TBC1D32: variants seen among roughly 807,000 people sequenced by gnomAD.
The protein encoded by TBC1D32 is TBC1 domain family member 32.
A neutral mutation model predicts 170.3 loss-of-function variants in TBC1D32; 151 were observed. The ratio of observed to expected loss-of-function variants is 0.89; its 90% confidence interval spans 0.78 to 1.01. The LOEUF (loss-of-function observed/expected upper bound fraction) is 1.01. Ranked by LOEUF, TBC1D32 falls within the 50% of genes least tolerant of loss-of-function variation. The pLI is 0.00. For missense variants in TBC1D32, 1,464 were observed against 1,457.1 expected, an observed-to-expected ratio of 1.00 and a Z score of -0.08; for synonymous variants, 498 against 488.0, an observed-to-expected ratio of 1.02 and a Z score of -0.27.
At chr6:121,160,248 G>C in intron 23 of TBC1D32, 145 bp from the exon 24 acceptor site, 1 of 550,768 alleles carries the variant, frequency 1.8e-6, no homozygotes, top group Non-Finnish European at 3.3e-6. Flanking sequence ...AAAGCTATTT[G>C]ATACTATACT....
rs781597708 is a variant in TBC1D32 at position 121,304,785 on chromosome 6, G to GT, written c.738dup (p.His247ThrfsTer12). On this transcript the variant is annotated frameshift_variant, in exon 6 of 32. Transcript: ENST00000398212. LOFTEE classifies it high-confidence loss of function. ...CTTGTATAAATTTCCTTGGTCATAT[G>GT]TAATGGAGAAAGCAAAAATGTCTGT... is the stretch of plus-strand genomic sequence containing the variant. The GT allele has an allele frequency of 5.6e-6, 9 of 1,609,378 alleles. No individual in the cohort carries two copies. The highest frequency in any genetic ancestry group is 7.6e-6 in the Non-Finnish European group (9 of 1,178,352).
intron 30 of TBC1D32, among the ~76,000 whole-genome samples, chr6:121,099,244 G>C (rs531243466): frequency 2.0e-5 from 3 of 151,904 alleles, no homozygotes; most frequent in Admixed American, 2.0e-4. Flanking sequence ...AAGATACATG[G>C]TACTTCTTAA....
intron 20 of TBC1D32, among the ~76,000 whole-genome samples, chr6:121,227,439 A>G (rs1477473273): frequency 2.6e-5 from 4 of 152,178 alleles, no homozygotes; most frequent in East Asian, 3.9e-4. Flanking sequence ...TCAATATTTT[A>G]CCATTAAATA....
chr6:121,112,551 C>G lies in TBC1D32; in HGVS notation c.3278G>C (p.Arg1093Thr), dbSNP rs1344867814. The G allele has an allele frequency of 1.2e-6, 2 of 1,610,934 alleles. No homozygotes were observed. The highest frequency in any genetic ancestry group is 2.2e-5 in the South Asian group (2 of 90,718). The change falls in exon 29 of 32, where the codon AGG becomes ACG. Residue 1093 changes from arginine (R) to threonine (T), a missense_variant. Physicochemically the swap from Arg to Thr is moderately conservative, Grantham distance 71. This residue lies in a region of TBC1D32 where 1,363 missense variants were observed against 1,338.1 expected (regional missense o/e 1.02). Coordinates refer to ENST00000398212, the MANE Select transcript of TBC1D32 (RefSeq NM_152730.6). ...KTFQFLHQFS[R>T]LLTSAFLWLP... is the part of the protein sequence containing the mutation. Reference sequence around the variant, plus strand: ...CCAAAGAAAAGCAGAAGTCAGAAGCCTGGAGAATTGATGAAGAAATTGGAA... The same window carrying G: ...CCAAAGAAAAGCAGAAGTCAGAAGCGTGGAGAATTGATGAAGAAATTGGAA...
chr6:121,213,517 AATAAAAT>A (rs1793399990), intron 21 of TBC1D32, among the ~76,000 whole-genome samples: 1 of 59,796 alleles, frequency 1.7e-5, no homozygotes, highest in Non-Finnish European at 2.6e-5. Context: ...AATAAAATAA[AATAAAAT>A]AAATAAAATA....
chr6:121,262,363 A>G (rs1343687777), intron 15 of TBC1D32, among the ~76,000 whole-genome samples: 1 of 152,200 alleles, frequency 6.6e-6, no homozygotes, highest in Non-Finnish European at 1.5e-5. Context: ...AAAAAATGTT[A>G]AGGGCAGCCA....
At chr6:121,112,145 A>G (rs1779261531) in intron 29 of TBC1D32, among the ~76,000 whole-genome samples, 1 of 152,128 alleles carries the variant, frequency 6.6e-6, no homozygotes, top group East Asian at 1.9e-4. Flanking sequence ...TGATTTTCTT[A>G]TACCATAATC....
chr6:121,176,929 A>G (rs1331114893), intron 22 of TBC1D32, among the ~76,000 whole-genome samples: 2 of 152,094 alleles, frequency 1.3e-5, no homozygotes, highest in Non-Finnish European at 2.9e-5. Context: ...TAATCAAAAC[A>G]CGGCATCATA....
At chr6:121,242,418 T>G in intron 17 of TBC1D32, 79 bp from the exon 18 acceptor site, 1 of 1,381,230 alleles carries the variant, frequency 7.2e-7, no homozygotes, top group Non-Finnish European at 1.0e-6. Flanking sequence ...TAGCTGAGCT[T>G]AACCCTGTTT....
intron 15 of TBC1D32, among the ~76,000 whole-genome samples, chr6:121,276,496 T>A (rs541299686): frequency 2.6e-4 from 39 of 151,872 alleles, no homozygotes; most frequent in African/African-American, 9.2e-4. Context: ...CAAAGCCAGA[T>A]AAGGCAAAAA....
intron 24 of TBC1D32, among the ~76,000 whole-genome samples, chr6:121,132,658 G>A (rs1316190201): frequency 6.6e-6 from 1 of 151,856 alleles, no homozygotes; most frequent in South Asian, 2.1e-4. Context: ...AGAGGATGGA[G>A]GTAGAGATTT....
intron 21 of TBC1D32, among the ~76,000 whole-genome samples, chr6:121,211,925 C>G (rs1323153298): frequency 1.3e-5 from 2 of 151,780 alleles, no homozygotes; most frequent in Admixed American, 1.3e-4. Flanking sequence ...AGTTCCTCGA[C>G]CACAGTGCCG....
intron 27 of TBC1D32, 67 bp downstream of exon 27, chr6:121,115,105 G>T: frequency 8.4e-7 from 1 of 1,190,248 alleles, no homozygotes. Flanking sequence ...AAATACTACT[G>T]AGCACATATG....
chr6:121,191,787 G>A (rs1790078602), intron 22 of TBC1D32, among the ~76,000 whole-genome samples: 2 of 152,096 alleles, frequency 1.3e-5, no homozygotes, highest in Admixed American at 1.3e-4. Flanking sequence ...GAACATTTGA[G>A]TCAGTGGGCT....
intron 12 of TBC1D32, among the ~76,000 whole-genome samples, chr6:121,287,676 C>T (rs528000755): frequency 1.8e-3 from 272 of 152,288 alleles, no homozygotes; most frequent in Non-Finnish European, 3.2e-3. Context: ...ACAGAACTCT[C>T]CACCCCAAAT....
intron 20 of TBC1D32, among the ~76,000 whole-genome samples, chr6:121,237,314 C>A (rs929524699): frequency 6.6e-6 from 1 of 151,824 alleles, no homozygotes; most frequent in African/African-American, 2.4e-5. Flanking sequence ...TCAAAATTTT[C>A]TCTTTATCTT....
chr6:121,270,332 T>C (rs1801192196), intron 15 of TBC1D32, among the ~76,000 whole-genome samples: 1 of 151,946 alleles, frequency 6.6e-6, no homozygotes, highest in Non-Finnish European at 1.5e-5. Context: ...CAGGAGCTGG[T>C]TTTTTGAAAA....
chr6:121,182,379 C>T (rs1477844986), intron 22 of TBC1D32, among the ~76,000 whole-genome samples: 1 of 151,916 alleles, frequency 6.6e-6, no homozygotes, highest in Non-Finnish European at 1.5e-5. Flanking sequence ...AACAAGAAGT[C>T]TAAATGGGTA....
intron 22 of TBC1D32, among the ~76,000 whole-genome samples, chr6:121,190,036 C>A (rs1273077757): frequency 1.3e-5 from 2 of 150,022 alleles, no homozygotes; most frequent in African/African-American, 4.9e-5. Flanking sequence ...AAACACCACA[C>A]ACTATATAAT....
Sources: gnomAD v4.1 joint callset for allele counts (sites outside exome capture counted in the v4.1 genomes callset) on GRCh38, gnomAD v4.1.1 for gene constraint, gnomAD v4.1.1 regional missense constraint, MANE v1.5 for transcripts, NCBI Gene and HGNC (gene_info 2026-07-23, HGNC 2026-07-21) for gene names.